Variants in ANKH observed in about 807,000 individuals in gnomAD.
The protein encoded by ANKH is mineralization regulator ANKH.
ANKH carries 15 observed loss-of-function variants against 49.0 expected under a neutral mutation model. The observed-to-expected ratio is 0.31, with a 90% CI of 0.20 to 0.47. ANKH has a LOEUF of 0.47. Among genes scored for constraint, ANKH ranks in the 20% least tolerant of loss-of-function variants. ANKH has a pLI of 1.00. For synonymous variants in ANKH, 273 were observed against 260.0 expected, an observed-to-expected ratio of 1.05 and a Z score of -0.48; for missense variants, 429 against 652.0, an observed-to-expected ratio of 0.66 and a Z score of 3.72.
chr5:14,787,313 C>CAAAAAAAG (rs946083680), intron 1 of ANKH, among the ~76,000 whole-genome samples: 1 of 147,278 alleles, frequency 6.8e-6, no homozygotes, highest in Non-Finnish European at 1.5e-5. Flanking sequence ...GACTCCATCT[C>CAAAAAAAG]AAAAAAAGAA....
intron 3 of ANKH, among the ~76,000 whole-genome samples, chr5:14,756,295 A>G (rs1738882165): frequency 6.6e-6 from 1 of 152,234 alleles, no homozygotes; most frequent in Non-Finnish European, 1.5e-5. Flanking sequence ...CCAAAGTAGC[A>G]TCCTTCCCAC....
chr5:14,830,693 A>G (rs1215847022), intron 1 of ANKH, among the ~76,000 whole-genome samples: 2 of 152,222 alleles, frequency 1.3e-5, no homozygotes, highest in Non-Finnish European at 2.9e-5. Flanking sequence ...CTGCAGCTCT[A>G]TTTTGTATGT....
At position 14,731,968 on chromosome 5, in the gene ANKH, C is replaced by A. The variant is rs374328375; in HGVS notation, c.1011+9859G>T. 4.2e-4 allele frequency among the ~76,000 whole-genome samples: 64 copies of A among 152,316 alleles called. 1 individual carries two copies. In the South Asian group the frequency reaches 0.011, roughly 27 times the overall value. ...AGTGTCACGTGAACAGGGGTCATGA[C>A]GGGTCCCTAGGAAGCATCACGTGTG... On this transcript the variant is annotated intron_variant, in intron 8 of 11. Transcript: ENST00000284268.
At chr5:14,717,937 C>CA (rs1737532983) in intron 8 of ANKH, among the ~76,000 whole-genome samples, 1 of 152,104 alleles carries the variant, frequency 6.6e-6, no homozygotes, top group South Asian at 2.1e-4. Flanking sequence ...GAGGCATACT[C>CA]AATCTGTACA....
At chr5:14,830,258 G>C (rs1413674238) in intron 1 of ANKH, among the ~76,000 whole-genome samples, 1 of 152,174 alleles carries the variant, frequency 6.6e-6, no homozygotes, top group Non-Finnish European at 1.5e-5. Context: ...TGGGCTCACT[G>C]GGCAGCCATA....
intron 1 of ANKH, chr5:14,798,486 T>A: frequency 1.0e-6 from 1 of 987,048 alleles, no homozygotes; most frequent in Non-Finnish European, 1.5e-6. Context: ...GCGCACGCGG[T>A]CTCTATTTTT....
rs144753449 is a variant in ANKH, at chr5:14,758,378, A to C, written c.432+102T>G. 3.5e-6 allele frequency: 3 copies of C among 859,806 alleles called. No individual in the cohort carries two copies. In the East Asian group the frequency reaches 7.9e-5, roughly 23 times the overall value. 53.3% of individuals were successfully genotyped at this position (859,806 alleles called of 1,614,324 possible). A position where few individuals can be genotyped will look rare whatever the true frequency, so the allele number is the denominator to read the frequency against. ...AATGTGAATGTACTTCCTGCCATTA[A>C]GCTGTACACACAAAAATAGCTAAAA... is the stretch of plus-strand genomic sequence containing the variant. On this transcript the variant is annotated intron_variant, in intron 3 of 11. Transcript: ENST00000284268.
chr5:14,849,620 C>G (rs1742069828), intron 1 of ANKH, among the ~76,000 whole-genome samples: 2 of 152,326 alleles, frequency 1.3e-5, no homozygotes, highest in South Asian at 4.1e-4. Context: ...ACAGCCCACT[C>G]TGATGATCAG....
chr5:14,799,230 C>T (rs1372961391), intron 1 of ANKH, among the ~76,000 whole-genome samples: 1 of 152,186 alleles, frequency 6.6e-6, no homozygotes, highest in Non-Finnish European at 1.5e-5. Context: ...AGAAGAAAAG[C>T]TGGAAGCTAA....
At position 14,758,485 on chromosome 5, in the gene ANKH, C is replaced by A; in HGVS notation, c.427G>T (p.Ala143Ser). The A allele has an allele frequency of 6.2e-7, 1 of 1,612,186 alleles. No individual in the cohort carries two copies. Among genetic ancestry groups the A allele is most frequent in the South Asian group, 1.1e-5 (1 of 91,042 alleles). Residue 143 changes from alanine to serine, a missense_variant, in exon 3 of 12, where the codon GCA (alanine) becomes TCA (serine). By Grantham distance (99) the Ala-to-Ser change is moderately conservative. Around this residue, in one of 2 missense-constraint regions of ANKH, gnomAD observed 378 missense variants for 615.3 expected, o/e 0.61. Transcript: ENST00000284268. ...LYLAAFPFMD[A>S]MAWTHAGILL... is the part of the protein sequence containing the mutation. Reference sequence around the variant, plus strand: ...CAACGATCTTCTCTACTCACCATTGCGTCCATGAAAGGAAAGGCGGCGAGG... The same window carrying A: ...CAACGATCTTCTCTACTCACCATTGAGTCCATGAAAGGAAAGGCGGCGAGG...
intron 4 of ANKH, among the ~76,000 whole-genome samples, chr5:14,751,571 G>A (rs567988234): frequency 8.6e-4 from 131 of 152,302 alleles, no homozygotes; most frequent in Admixed American, 1.7e-3. Flanking sequence ...CCTTGGCAAT[G>A]ATTTACTGGA....
chr5:14,798,478 G>A (rs31990), intron 1 of ANKH: 551,918 of 1,116,544 alleles, frequency 0.49, 141,196 homozygotes, highest in East Asian at 0.8. Context: ...TTCGCTCTGC[G>A]CACGCGGTCT....
chr5:14,792,702 C>T (rs1321720532), intron 1 of ANKH, among the ~76,000 whole-genome samples: 4 of 151,700 alleles, frequency 2.6e-5, no homozygotes, highest in Admixed American at 6.6e-5. Flanking sequence ...GGGCTGGGCA[C>T]GGTGGCTCAC....
intron 6 of ANKH, among the ~76,000 whole-genome samples, chr5:14,746,218 G>A (rs1468385033): frequency 1.3e-5 from 2 of 152,144 alleles, no homozygotes; most frequent in Non-Finnish European, 1.5e-5. Context: ...CGTGAAACGA[G>A]GGGGATGCGT....
intron 1 of ANKH, among the ~76,000 whole-genome samples, chr5:14,858,339 T>A (rs929352561): frequency 6.6e-6 from 1 of 152,176 alleles, no homozygotes; most frequent in Non-Finnish European, 1.5e-5. Context: ...TAGCTCCCAA[T>A]TCATCAAATT....
chr5:14,735,939 G>A (rs1040390526), intron 8 of ANKH, among the ~76,000 whole-genome samples: 2 of 150,760 alleles, frequency 1.3e-5, no homozygotes, highest in Non-Finnish European at 2.9e-5. Flanking sequence ...GCAGTTTCAC[G>A]GTCTCCCTTT....
chr5:14,851,135 T>C (rs1285878608), intron 1 of ANKH, among the ~76,000 whole-genome samples: 1 of 152,096 alleles, frequency 6.6e-6, no homozygotes, highest in African/African-American at 2.4e-5. Flanking sequence ...CACTCTCTGT[T>C]CCAACAGTGC....
chr5:14,755,679 C>T (rs1326053629), intron 4 of ANKH, among the ~76,000 whole-genome samples, 182 bp downstream of exon 4: 1 of 152,228 alleles, frequency 6.6e-6, no homozygotes, highest in Admixed American at 6.5e-5. Flanking sequence ...TATTACAGGG[C>T]ATTCCCTTTT....
At chr5:14,728,218 T>C (rs923951190) in intron 8 of ANKH, among the ~76,000 whole-genome samples, 1 of 152,248 alleles carries the variant, frequency 6.6e-6, no homozygotes, top group African/African-American at 2.4e-5. Context: ...CCCAGATAGA[T>C]GCCTTATTAG....
Sources: gnomAD v4.1 joint callset for allele counts (sites outside exome capture counted in the v4.1 genomes callset) on GRCh38, gnomAD v4.1.1 for gene constraint, gnomAD v4.1.1 regional missense constraint, MANE v1.5 for transcripts, NCBI Gene and HGNC (gene_info 2026-07-23, HGNC 2026-07-21) for gene names.